MTFMT: variants seen among roughly 807,000 people sequenced by gnomAD.
The protein encoded by MTFMT is methionyl-tRNA formyltransferase, mitochondrial.
In MTFMT, 47 loss-of-function variants were observed where a neutral mutation model predicts 51.8. The observed-to-expected ratio is 0.91, with a 90% CI of 0.72 to 1.16. The LOEUF (loss-of-function observed/expected upper bound fraction) is 1.16, where lower values mean the gene tolerates loss of function less well. MTFMT is among the 50% of genes most tolerant of loss of function. The probability of loss-of-function intolerance (pLI) is 0.00; values close to 1 mark genes in which losing one functional copy is unlikely to be tolerated. For synonymous variants in MTFMT, 196 were observed against 176.7 expected (o/e 1.11, Z -0.87); for missense variants, 512 against 482.3 (o/e 1.06, Z -0.58).
chr15:65,022,591 G>A (rs144970763), intron 3 of MTFMT, among the ~76,000 whole-genome samples: 68 of 150,524 alleles, frequency 4.5e-4, no homozygotes, highest in African/African-American at 1.6e-3. Flanking sequence ...TTTTGTTTTT[G>A]TTAATTCTAT....
At chr15:65,003,941 C>T (rs551168918) in intron 8 of MTFMT, among the ~76,000 whole-genome samples, 2 of 150,854 alleles carry the variant, frequency 1.3e-5, no homozygotes, top group African/African-American at 2.4e-5. Context: ...AATAAGCTGG[C>T]GAGAGACAAA....
intron 6 of MTFMT, chr15:65,015,962 T>G (rs2086317901): frequency 6.6e-6 from 1 of 152,514 alleles, no homozygotes; most frequent in South Asian, 2.1e-4. Context: ...AGAATTTAAC[T>G]CAGACATTTT....
chr15:65,003,899 C>G (rs147064987), intron 8 of MTFMT, among the ~76,000 whole-genome samples: 16 of 141,670 alleles, frequency 1.1e-4, no homozygotes, highest in African/African-American at 3.8e-4. Context: ...CAGAAAAGGA[C>G]AGCAAGACAT....
rs35437034 is a variant in MTFMT, at chr15:65,016,782, C to CT, written c.722-256dup. On this transcript the variant is annotated intron_variant, in intron 5 of 8. Transcript: ENST00000220058. ...TAACTATGAAATGAGACTATTCAAA[C>CT]TTTTTTTTTTTTTTTTGAGATAGGG... Among the ~76,000 whole-genome samples, 1,359 of 141,620 alleles carry CT rather than the reference C, an allele frequency of 9.6e-3. 21 individuals are homozygous for CT. The highest frequency in any genetic ancestry group is 0.046 in the Middle Eastern group (13 of 282). 92.9% of individuals were successfully genotyped at this position (141,620 alleles called of 152,430 possible).
intron 2 of MTFMT, among the ~76,000 whole-genome samples, chr15:65,025,221 C>G (rs2086411129): frequency 7.0e-6 from 1 of 143,720 alleles, no homozygotes; most frequent in South Asian, 2.2e-4. Context: ...ATAGCGAGAT[C>G]CCTGTCTCTA....
chr15:65,013,232 T>C (rs889675499), intron 6 of MTFMT, among the ~76,000 whole-genome samples: 1 of 152,092 alleles, frequency 6.6e-6, no homozygotes, highest in Non-Finnish European at 1.5e-5. Context: ...CTTTATCTTC[T>C]TTGTGATCTT....
chr15:65,014,376 G>A lies in MTFMT; in HGVS notation c.813+2060C>T, dbSNP rs528605751. On this transcript the variant is annotated intron_variant, in intron 6 of 8. Transcript: ENST00000220058. Reference sequence around the variant, plus strand: ...TTTCGCTCTTGTTGCCCAGGCTGGTGTGCAATGTGCAATCTCGGCTCATCA... The same window carrying A: ...TTTCGCTCTTGTTGCCCAGGCTGGTATGCAATGTGCAATCTCGGCTCATCA... Among the ~76,000 whole-genome samples, 10 of 141,692 alleles carry A rather than the reference G, an allele frequency of 7.1e-5. No individual in the cohort carries two copies. In the South Asian group the frequency reaches 2.0e-3, roughly 28 times the overall value. The allele number at this position is 141,692 out of a possible 152,430, so 93.0% of individuals were successfully genotyped here. A position where few individuals can be genotyped will look rare whatever the true frequency, so the allele number is the denominator to read the frequency against.
At chr15:65,014,567 C>T (rs1397352008) in intron 6 of MTFMT, among the ~76,000 whole-genome samples, 3 of 148,602 alleles carry the variant, frequency 2.0e-5, no homozygotes, top group Non-Finnish European at 4.5e-5. Flanking sequence ...CTCAGGTGAT[C>T]CGCCCGCCTC....
Position 65,023,717 on chromosome 15 carries a change from C to G in MTFMT, c.497G>C (p.Gly166Ala), listed in dbSNP as rs759834945. ...PAPVIHTVLH[G>A]DTVTGVTIMQ... ...AATTGTTACTCCAGTAACTGTGTCTCCGTGAAGCACTGTATGGATTACAGG... is the reference window on the plus strand; with the variant it reads ...AATTGTTACTCCAGTAACTGTGTCTGCGTGAAGCACTGTATGGATTACAGG... Residue 166 changes from glycine (G) to alanine (A), a missense_variant, in exon 3 of 9, where the codon GGA becomes GCA. Transcript: ENST00000220058. 2 of 1,613,792 alleles carry G rather than the reference C, an allele frequency of 1.2e-6. No homozygotes were observed. The highest frequency in any genetic ancestry group is 1.7e-6 in the Non-Finnish European group (2 of 1,179,766).
chr15:65,004,998 A>G (rs925057655), intron 7 of MTFMT, 62 bp from the exon 8 acceptor site: 9 of 1,169,854 alleles, frequency 7.7e-6, no homozygotes, highest in Non-Finnish European at 1.0e-5. Flanking sequence ...ACTTCATAGT[A>G]CTTCTTAAAA....
At chr15:65,018,528 T>C (rs1178798953) in intron 5 of MTFMT, among the ~76,000 whole-genome samples, 1 of 152,222 alleles carries the variant, frequency 6.6e-6, no homozygotes, top group Non-Finnish European at 1.5e-5. Flanking sequence ...TTTAGTCCAC[T>C]GATACCTTAT....
intron 5 of MTFMT, among the ~76,000 whole-genome samples, chr15:65,017,383 T>C (rs1036554992): frequency 2.0e-5 from 3 of 152,228 alleles, no homozygotes; most frequent in African/African-American, 7.2e-5. Context: ...TATACTATTC[T>C]GAATAACCAT....
intron 7 of MTFMT, 73 bp downstream of exon 7, chr15:65,006,040 T>C: frequency 9.7e-7 from 1 of 1,033,212 alleles, no homozygotes; most frequent in Non-Finnish European, 1.5e-6. Flanking sequence ...TTGTGACATA[T>C]GATAAAACAG....
At chr15:65,013,287 C>CTTTTTTTTT (rs71447831) in intron 6 of MTFMT, among the ~76,000 whole-genome samples, 2 of 142,840 alleles carry the variant, frequency 1.4e-5, no homozygotes, top group East Asian at 3.9e-4. Context: ...CTTTCTTCTT[C>CTTTTTTTTT]TTTTTTTTTT....
chr15:65,027,446 G>A (rs577364480), intron 1 of MTFMT, among the ~76,000 whole-genome samples: 117 of 152,122 alleles, frequency 7.7e-4, no homozygotes, highest in Non-Finnish European at 1.3e-3. Context: ...TGATCCGTCC[G>A]CCTCCACCTC....
chr15:65,024,404 T>C (rs1030025260), intron 2 of MTFMT, among the ~76,000 whole-genome samples: 1 of 152,206 alleles, frequency 6.6e-6, no homozygotes, highest in African/African-American at 2.4e-5. Context: ...AGAGAACCAC[T>C]CAAACCCTAT....
intron 6 of MTFMT, among the ~76,000 whole-genome samples, chr15:65,012,927 G>C (rs1346823194): frequency 6.6e-6 from 1 of 152,036 alleles, no homozygotes; most frequent in Non-Finnish European, 1.5e-5. Flanking sequence ...TGTTGAATCT[G>C]TACATCAACT....
intron 6 of MTFMT, among the ~76,000 whole-genome samples, chr15:65,009,496 T>C (rs1168803801): frequency 6.6e-6 from 1 of 152,146 alleles, no homozygotes; most frequent in Non-Finnish European, 1.5e-5. Flanking sequence ...TGATCCTAAT[T>C]TATCTATCTC....
intron 3 of MTFMT, 88 bp downstream of exon 3, chr15:65,023,584 C>T (rs1397421516): frequency 1.6e-6 from 2 of 1,286,464 alleles, no homozygotes; most frequent in African/African-American, 1.4e-5. Flanking sequence ...AATTAGTGAG[C>T]ACCACCCATT....
Sources: gnomAD v4.1 joint callset for allele counts (sites outside exome capture counted in the v4.1 genomes callset) on GRCh38, gnomAD v4.1.1 for gene constraint, MANE v1.5 for transcripts, NCBI Gene and HGNC (gene_info 2026-07-23, HGNC 2026-07-21) for gene names.